The following TET3 variants were observed in gnomAD, a reference collection of about 807,000 sequenced individuals.
The protein encoded by TET3 is tet methylcytosine dioxygenase 3.
In TET3, 19 loss-of-function variants were observed where a neutral mutation model predicts 141.4. That is an observed-to-expected ratio of 0.13 (90% confidence interval 0.09 to 0.20). The LOEUF (loss-of-function observed/expected upper bound fraction) is 0.20. TET3 is among the 10% of genes least tolerant of loss of function. TET3 has a pLI of 1.00. For synonymous variants in TET3, 1,043 were observed against 980.9 expected (o/e 1.06, Z -1.18); for missense variants, 1,874 against 2,356.9 (o/e 0.80, Z 4.24).
At chr2:74,075,320 CT>C (rs971111434) in intron 5 of TET3, among the ~76,000 whole-genome samples, 967 of 89,118 alleles carry the variant, frequency 0.011, 4 homozygotes, top group African/African-American at 0.035. Context: ...GAGCCAAATA[CT>C]TTTTTTTTTT....
At chr2:74,060,396 G>T (rs946303134) in intron 4 of TET3, among the ~76,000 whole-genome samples, 2 of 152,028 alleles carry the variant, frequency 1.3e-5, no homozygotes, top group Non-Finnish European at 2.9e-5. Flanking sequence ...TGGATATATG[G>T]GTTCTTAGCT....
the TET3 span, among the ~76,000 whole-genome samples, chr2:74,113,247 A>G: frequency 5.3e-5 from 8 of 151,890 alleles, no homozygotes; most frequent in South Asian, 2.1e-4. Context: ...TTAGCCGGGC[A>G]TGGTGGCACA....
At chr2:74,109,875 C>T (rs78252738), downstream of TET3, among the ~76,000 whole-genome samples, 152 of 152,240 alleles carry the variant, frequency 1.0e-3, no homozygotes, top group African/African-American at 3.3e-3. Flanking sequence ...GAGTGTACAC[C>T]AAGGTTTATT....
At chr2:73,988,914 C>CTTT (rs58533695) in intron 2 of TET3, among the ~76,000 whole-genome samples, 2 of 122,454 alleles carry the variant, frequency 1.6e-5, no homozygotes, top group East Asian at 4.5e-4. Flanking sequence ...GAAATTAGAC[C>CTTT]TTTTTTTTTT....
chr2:73,991,404 A>AG (rs1684315878), intron 2 of TET3, among the ~76,000 whole-genome samples: 2 of 151,764 alleles, frequency 1.3e-5, no homozygotes, highest in Admixed American at 1.3e-4. Context: ...ACCAACATGG[A>AG]GAAACCCCAT....
chr2:74,039,622 A>G lies in TET3; in HGVS notation c.361-6656A>G, dbSNP rs553927033. ...GTGGATTGGGAAGTCAGAAGTGACA[A>G]CAGCATGGGTAGCTTCTATATGTTC... is the stretch of plus-strand genomic sequence containing the variant. On this transcript the variant is annotated intron_variant, in intron 3 of 11. Coordinates refer to ENST00000409262, the MANE Select transcript of TET3 (RefSeq NM_001287491.2). Among the ~76,000 whole-genome samples the G allele has an allele frequency of 4.6e-5, 7 of 152,366 alleles. No individual in the cohort carries two copies. In the South Asian group the frequency reaches 1.2e-3, roughly 27 times the overall value.
intron 5 of TET3, among the ~76,000 whole-genome samples, chr2:74,075,721 A>C (rs990125878): frequency 6.6e-6 from 1 of 152,202 alleles, no homozygotes; most frequent in African/African-American, 2.4e-5. Flanking sequence ...GGTAAGATAC[A>C]TGGAGGACAG....
intron 6 of TET3, among the ~76,000 whole-genome samples, chr2:74,081,155 C>T (rs1034268798): frequency 6.6e-6 from 1 of 152,188 alleles, no homozygotes; most frequent in Non-Finnish European, 1.5e-5. Flanking sequence ...CAGTTTCCTA[C>T]CAGGCAACCT....
chr2:74,011,227 C>G (rs865921391), intron 3 of TET3, among the ~76,000 whole-genome samples: 1 of 94,386 alleles, frequency 1.1e-5, no homozygotes, highest in African/African-American at 3.7e-5. Flanking sequence ...GACTCCGTTT[C>G]AAAAAAAAAA....
the TET3 span, among the ~76,000 whole-genome samples, chr2:74,124,691 C>A: frequency 6.6e-6 from 1 of 152,094 alleles, no homozygotes; most frequent in Non-Finnish European, 1.5e-5. Context: ...AAGGGCGGTG[C>A]AAGATGTGCT....
intron 8 of TET3, among the ~76,000 whole-genome samples, chr2:74,091,353 T>G (rs1690485264): frequency 3.3e-5 from 5 of 152,364 alleles, no homozygotes; most frequent in South Asian, 2.1e-4. Context: ...TACGATGTGC[T>G]AAGCACTTTG....
At chr2:74,131,152 T>G in the TET3 span, among the ~76,000 whole-genome samples, 1 of 152,150 alleles carries the variant, frequency 6.6e-6, no homozygotes, top group African/African-American at 2.4e-5. Flanking sequence ...GGGATATTTG[T>G]AATTATTCCA....
intron 3 of TET3, among the ~76,000 whole-genome samples, chr2:74,039,792 T>G (rs566353815): frequency 1.3e-5 from 2 of 152,320 alleles, no homozygotes; most frequent in South Asian, 2.1e-4. Context: ...GAATGTCAGC[T>G]GACTCCTCCA....
chr2:74,005,946 G>T lies in TET3; in HGVS notation c.360+2780G>T, dbSNP rs1001759580. On this transcript the variant is annotated intron_variant, in intron 3 of 11. Coordinates refer to ENST00000409262, the MANE Select transcript of TET3 (RefSeq NM_001287491.2). ...GTGAGTGCCCAGTGCCGAGAACACC[G>T]GGCCGCCCTGCTTTCAAGGCTCCCA... Among the ~76,000 whole-genome samples the T allele has an allele frequency of 8.5e-5, 13 of 152,068 alleles. No individual in the cohort carries two copies. The East Asian group carries it at 1.2e-3, about 14-fold the overall frequency.
chr2:73,996,937 A>G (rs1251072865), intron 2 of TET3, among the ~76,000 whole-genome samples: 1 of 152,258 alleles, frequency 6.6e-6, no homozygotes, highest in Admixed American at 6.5e-5. Context: ...TGCTTCAGGT[A>G]GCACCAGCAT....
At position 74,030,745 on chromosome 2, in the gene TET3, G is replaced by T. The variant is rs193111335; in HGVS notation, c.361-15533G>T. On this transcript the variant is annotated intron_variant, in intron 3 of 11. Transcript: ENST00000409262. ...ATGAGTCCAACAGTAGTGTTCTGGG[G>T]TGGAAGCAGAGGCAGGGGGCCAGTC... is the stretch of plus-strand genomic sequence containing the variant. Among the ~76,000 whole-genome samples, 838 of 152,312 alleles carry T rather than the reference G, an allele frequency of 5.5e-3. 1 individual carries two copies. The highest frequency in any genetic ancestry group is 0.01 in the Middle Eastern group (3 of 294).
In TET3 at chr2:74,093,745, G is replaced by A. The variant is rs1690645559; in HGVS notation, c.3267+79G>A. ...CCACCGTGGTCTTTTCAGAAAGGCA[G>A]GCTGAGGGTAGGGAGGGACCTGGAG... On this transcript the variant is annotated intron_variant, in intron 10 of 11. Coordinates refer to ENST00000409262, the MANE Select transcript of TET3 (RefSeq NM_001287491.2). The surrounding 1 kb of genome is among the most constrained non-coding windows in gnomAD (Gnocchi z 4.2). 6.9e-7 allele frequency: 1 copy of A among 1,454,702 alleles called. No individual in the cohort carries two copies. Among genetic ancestry groups the A allele is most frequent in the African/African-American group, 1.4e-5 (1 of 70,540 alleles). 90.1% of individuals were successfully genotyped at this position (1,454,702 alleles called of 1,614,324 possible).
At chr2:74,077,914 C>A (rs1307927747) in intron 5 of TET3, among the ~76,000 whole-genome samples, 3 of 152,220 alleles carry the variant, frequency 2.0e-5, no homozygotes, top group Non-Finnish European at 4.4e-5. Flanking sequence ...CTGATAAATG[C>A]TTGTTGAAAT....
At chr2:74,055,524 C>T (rs1477326669) in intron 4 of TET3, among the ~76,000 whole-genome samples, 2 of 152,162 alleles carry the variant, frequency 1.3e-5, no homozygotes, top group African/African-American at 4.8e-5. Flanking sequence ...TATCAGGAGG[C>T]ATCATGCTAG....
Sources: gnomAD v4.1 joint callset for allele counts (sites outside exome capture counted in the v4.1 genomes callset) on GRCh38, gnomAD v4.1.1 for gene constraint, Gnocchi (gnomAD v3.1) non-coding constraint, MANE v1.5 for transcripts, NCBI Gene and HGNC (gene_info 2026-07-23, HGNC 2026-07-21) for gene names.